The following GRIK2 variants were observed in gnomAD, a reference collection of about 807,000 sequenced individuals.
The protein encoded by GRIK2 is glutamate ionotropic receptor kainate type subunit 2, also known as glutamate receptor ionotropic, kainate 2.
GRIK2 carries 32 observed loss-of-function variants against 100.3 expected under a neutral mutation model. The observed-to-expected ratio is 0.32, with a 90% CI of 0.24 to 0.43. The LOEUF is 0.43. Among genes scored for constraint, GRIK2 ranks in the 20% least tolerant of loss-of-function variants. The pLI is 1.00. For synonymous variants in GRIK2, 417 were observed against 389.4 expected (o/e 1.07, Z -0.83); for missense variants, 843 against 1,114.9 (o/e 0.76, Z 3.47).
At chr6:101,563,522 A>G (rs1777121217) in intron 2 of GRIK2, among the ~76,000 whole-genome samples, 1 of 152,220 alleles carries the variant, frequency 6.6e-6, no homozygotes. Context: ...TTACATAATT[A>G]GAAAAATCAG....
chr6:101,986,678 G>A (rs370731786), intron 14 of GRIK2, among the ~76,000 whole-genome samples: 35 of 151,960 alleles, frequency 2.3e-4, no homozygotes, highest in African/African-American at 8.4e-4. Context: ...CTGTGGAAGA[G>A]TATTATGTCT....
intron 14 of GRIK2, among the ~76,000 whole-genome samples, chr6:101,972,449 T>C (rs1188301635): frequency 6.6e-6 from 1 of 151,996 alleles, no homozygotes; most frequent in African/African-American, 2.4e-5. Context: ...AATGGAATCA[T>C]TTGTTTATTG....
At chr6:101,804,313 G>A (rs1404172287) in intron 9 of GRIK2, among the ~76,000 whole-genome samples, 2 of 151,930 alleles carry the variant, frequency 1.3e-5, no homozygotes, top group African/African-American at 2.4e-5. Flanking sequence ...CTAGATTTTA[G>A]TCATAACATA....
intron 1 of GRIK2, among the ~76,000 whole-genome samples, chr6:101,397,448 G>A (rs539151273): frequency 1.8e-4 from 28 of 152,086 alleles, no homozygotes; most frequent in Non-Finnish European, 2.8e-4. Context: ...TAAGGTGCTC[G>A]AACAGTCGAA....
At chr6:101,796,263 A>T (rs1028800638) in intron 7 of GRIK2, among the ~76,000 whole-genome samples, 17 of 152,306 alleles carry the variant, frequency 1.1e-4, no homozygotes, top group African/African-American at 4.1e-4. Context: ...AAAGGAATTA[A>T]TTTAAGGAGA....
chr6:101,784,204 T>A (rs1038594509), intron 7 of GRIK2, among the ~76,000 whole-genome samples: 1 of 152,186 alleles, frequency 6.6e-6, no homozygotes, highest in Non-Finnish European at 1.5e-5. Flanking sequence ...AAAATTGGCT[T>A]CATGGGCCAG....
chr6:102,041,295 C>G (rs1036546618), intron 15 of GRIK2, among the ~76,000 whole-genome samples: 3 of 151,564 alleles, frequency 2.0e-5, no homozygotes, highest in African/African-American at 7.3e-5. Flanking sequence ...AGATTTTATA[C>G]ACAAAGATTG....
At chr6:101,546,819 C>CT (rs1169622526) in intron 2 of GRIK2, among the ~76,000 whole-genome samples, 2,701 of 76,938 alleles carry the variant, frequency 0.035, 791 homozygotes, top group Non-Finnish European at 0.045. Flanking sequence ...GTTTTTGTTT[C>CT]TTTTTTTTTT....
chr6:101,539,206 A>C (rs897345094), intron 2 of GRIK2, among the ~76,000 whole-genome samples: 1 of 151,740 alleles, frequency 6.6e-6, no homozygotes, highest in Non-Finnish European at 1.5e-5. Flanking sequence ...GTAGATAGCA[A>C]ATTTTACCTT....
chr6:102,050,840 GAAGA>G (rs1264446474), intron 15 of GRIK2, among the ~76,000 whole-genome samples: 1 of 151,866 alleles, frequency 6.6e-6, no homozygotes, highest in Non-Finnish European at 1.5e-5. Context: ...AAGAAATAAA[GAAGA>G]AAGATAAGAA....
At chr6:101,425,756 G>A (rs1372870432) in intron 2 of GRIK2, among the ~76,000 whole-genome samples, 2 of 152,138 alleles carry the variant, frequency 1.3e-5, no homozygotes, top group African/African-American at 4.8e-5. Context: ...AAATTTCTCT[G>A]AGAATTGTCA....
chr6:101,488,285 T>C lies in GRIK2; in HGVS notation c.115+88893T>C, dbSNP rs190917127. 6.1e-5 allele frequency among the ~76,000 whole-genome samples: 9 copies of C among 146,884 alleles called. No homozygotes were observed. The East Asian group carries it at 1.8e-3, about 29-fold the overall frequency. ...TCTAGTAGTAGAAGTATAACTTCCATAGTTTATGACTCCCAAAGTCAATGC... is the reference window on the plus strand; with the variant it reads ...TCTAGTAGTAGAAGTATAACTTCCACAGTTTATGACTCCCAAAGTCAATGC... On this transcript the variant is annotated intron_variant, in intron 2 of 16. Transcript: ENST00000369134.
intron 2 of GRIK2, among the ~76,000 whole-genome samples, chr6:101,516,270 G>T (rs534280758): frequency 3.3e-5 from 5 of 152,032 alleles, no homozygotes; most frequent in Non-Finnish European, 7.4e-5. Context: ...AAAAGAAGCC[G>T]CATAGCCAAA....
chr6:101,616,944 TC>T (rs1183071532), intron 2 of GRIK2, among the ~76,000 whole-genome samples: 5 of 151,768 alleles, frequency 3.3e-5, no homozygotes, highest in African/African-American at 1.2e-4. Context: ...AGTTGTGTTT[TC>T]AGTAGCTAGT....
intron 2 of GRIK2, among the ~76,000 whole-genome samples, chr6:101,559,244 A>T (rs1776885593): frequency 1.3e-5 from 2 of 152,244 alleles, no homozygotes; most frequent in Non-Finnish European, 2.9e-5. Flanking sequence ...AAGTAAATAT[A>T]GCTAAGTGTA....
chr6:101,766,304 T>C (rs1562369501), intron 7 of GRIK2, among the ~76,000 whole-genome samples: 1 of 152,080 alleles, frequency 6.6e-6, no homozygotes, highest in African/African-American at 2.4e-5. Context: ...AGTAGCTATA[T>C]TATTAAGTGT....
At chr6:101,509,093 G>A (rs1774169334) in intron 2 of GRIK2, among the ~76,000 whole-genome samples, 1 of 148,978 alleles carries the variant, frequency 6.7e-6, no homozygotes, top group African/African-American at 2.5e-5. Flanking sequence ...GGGAGGCGGA[G>A]CTTGCAGTGA....
At chr6:101,397,461 A>C (rs1382746669) in intron 1 of GRIK2, among the ~76,000 whole-genome samples, 1 of 152,184 alleles carries the variant, frequency 6.6e-6, no homozygotes, top group African/African-American at 2.4e-5. Flanking sequence ...CAGTCGAATT[A>C]TTTGATTGAA....
intron 11 of GRIK2, among the ~76,000 whole-genome samples, chr6:101,871,588 A>G (rs1182660806): frequency 1.3e-5 from 2 of 151,768 alleles, no homozygotes; most frequent in Non-Finnish European, 2.9e-5. Context: ...TTCCATGTGT[A>G]CCCAATGTTT....
Sources: allele counts gnomAD v4.1 joint callset (sites outside exome capture counted in the v4.1 genomes callset), GRCh38; gene constraint gnomAD v4.1.1; transcripts MANE v1.5; gene names NCBI Gene and HGNC (gene_info 2026-07-23, HGNC 2026-07-21).